CDHR3: variants seen among roughly 807,000 people sequenced by gnomAD.
CDHR3 encodes cadherin-related family member 3.
Under a neutral mutation model 86.6 loss-of-function variants are expected in CDHR3, and 79 were observed. That is an observed-to-expected ratio of 0.91 (90% CI 0.76 to 1.10). CDHR3 has a LOEUF of 1.10. Ranked by LOEUF, CDHR3 falls within the 50% of genes least tolerant of loss-of-function variation. CDHR3 has a pLI of 0.00. For synonymous variants in CDHR3, 421 were observed against 402.4 expected (o/e 1.05, Z -0.55); for missense variants, 1,081 against 1,077.6 (o/e 1.00, Z -0.04).
intron 15 of CDHR3, 113 bp downstream of exon 15, chr7:106,024,675 C>G (rs1837091713): frequency 1.3e-5 from 15 of 1,147,376 alleles, no homozygotes; most frequent in Non-Finnish European, 1.8e-5. Flanking sequence ...GGCAGGTTGC[C>G]TGGAGTGAAG....
chr7:105,996,781 G>A (rs915223190), intron 6 of CDHR3, among the ~76,000 whole-genome samples: 6 of 152,114 alleles, frequency 3.9e-5, no homozygotes, highest in African/African-American at 1.4e-4. Context: ...CTATTTTCAC[G>A]GTGCCTGCCT....
At position 106,014,614 on chromosome 7, in the gene CDHR3, A is replaced by C. The variant is rs958973674; in HGVS notation, c.1225-497A>C. On this transcript the variant is annotated intron_variant, in intron 9 of 18. Transcript: ENST00000317716. ...GCCACTGCACACCAGCCTGGGCAAC[A>C]AAGGGGACCCCTATCTCTAAAAAAC... Among the ~76,000 whole-genome samples the C allele has an allele frequency of 3.3e-5, 5 of 152,316 alleles. No homozygotes were observed. The East Asian group carries it at 9.6e-4, about 29-fold the overall frequency.
chr7:106,015,121 A>T lies in CDHR3; in HGVS notation c.1235A>T (p.Asp412Val), dbSNP rs1272613803. Residue 412 changes from aspartate to valine, a missense_variant, in exon 10 of 19, where the codon GAT (aspartate) becomes GTT (valine). Physicochemically the swap from Asp to Val is radical, Grantham distance 152. Coordinates refer to ENST00000317716, the MANE Select transcript of CDHR3 (RefSeq NM_152750.5). ...AGSGKIVLIG[D>V]LDYENPSNLA... is the part of the protein sequence containing the mutation. ...TCTGTTTTAATCTAGCTGATTGGTG[A>T]TCTAGACTACGAAAATCCAAGTAAC... 6.2e-7 allele frequency: 1 copy of T among 1,606,080 alleles called. No homozygotes were observed. The highest frequency in any genetic ancestry group is 1.7e-5 in the Admixed American group (1 of 59,150).
chr7:106,001,374 A>G lies in CDHR3; in HGVS notation c.714-88A>G. The G allele has an allele frequency of 2.1e-6, 3 of 1,439,210 alleles. No individual in the cohort carries two copies. The South Asian group carries it at 3.6e-5, about 17-fold the overall frequency. 89.2% of individuals were successfully genotyped at this position (1,439,210 alleles called of 1,614,324 possible). On this transcript the variant is annotated intron_variant, in intron 6 of 18. Coordinates refer to ENST00000317716, the MANE Select transcript of CDHR3 (RefSeq NM_152750.5). ...TGCAACTTGAACAGCTCTGCACTAT[A>G]TTTAGCACTAACCAAAATACCAATC...
intron 7 of CDHR3, among the ~76,000 whole-genome samples, chr7:106,003,086 A>G (rs575629881): frequency 1.3e-5 from 2 of 149,672 alleles, no homozygotes; most frequent in East Asian, 3.9e-4. Flanking sequence ...GTGAGCTATG[A>G]TCATTCCACT....
At chr7:106,021,162 C>T (rs533779607) in intron 13 of CDHR3, among the ~76,000 whole-genome samples, 6 of 152,020 alleles carry the variant, frequency 3.9e-5, no homozygotes, top group African/African-American at 4.8e-5. Context: ...AATATACCAT[C>T]GTAGGGAAAA....
chr7:105,977,219 A>G (rs1368032660), intron 2 of CDHR3, among the ~76,000 whole-genome samples: 2 of 152,182 alleles, frequency 1.3e-5, no homozygotes, highest in Non-Finnish European at 2.9e-5. Flanking sequence ...TTTATCTGAG[A>G]TCACATAGCC....
At position 106,020,370 on chromosome 7, in the gene CDHR3, T is replaced by A; in HGVS notation, c.1654-3T>A. 6.2e-7 allele frequency: 1 copy of A among 1,601,650 alleles called. No individual in the cohort carries two copies. The highest frequency in any genetic ancestry group is 8.5e-7 in the Non-Finnish European group (1 of 1,173,364). On this transcript the variant is annotated splice_region_variant and splice_polypyrimidine_tract_variant and intron_variant, in intron 12 of 18. Coordinates refer to ENST00000317716, the MANE Select transcript of CDHR3 (RefSeq NM_152750.5). ...GAGAATGACCACCTTCTTGCTACTC[T>A]AGGTTACTGTGAACATCCTTGAAGA...
Position 106,035,072 on chromosome 7 carries a change from T to G in CDHR3, c.*2375T>G, listed in dbSNP as rs931598067. On this transcript the variant is annotated 3_prime_UTR_variant, in exon 19 of 19. Transcript: ENST00000317716. The stretch of plus-strand genomic sequence containing the variant: ...CCAGCCTGGGTGACAAGGGCAAAAC[T>G]CTGTGTCAAGAAAAAAAAAAAAAAA... 5.2e-4 allele frequency among the ~76,000 whole-genome samples: 69 copies of G among 132,818 alleles called. 2 individuals are homozygous for G. The highest frequency in any genetic ancestry group is 1.5e-4 in the Non-Finnish European group (9 of 61,508). The allele number at this position is 132,818 out of a possible 152,430, so 87.1% of individuals were successfully genotyped here.
intron 14 of CDHR3, among the ~76,000 whole-genome samples, chr7:106,023,833 A>G (rs1177747124): frequency 3.3e-5 from 5 of 152,206 alleles, no homozygotes; most frequent in Admixed American, 2.6e-4. Context: ...GGCTCAGAGC[A>G]TGACCTGATT....
chr7:106,022,570 C>A, intron 14 of CDHR3, 122 bp downstream of exon 14: 2 of 1,395,186 alleles, frequency 1.4e-6, no homozygotes, highest in Non-Finnish European at 1.9e-6. Flanking sequence ...AGGATGTTGC[C>A]AAAAATGGCA....
At chr7:106,022,088 T>C in intron 13 of CDHR3, 110 bp from the exon 14 acceptor site, 2 of 1,311,298 alleles carry the variant, frequency 1.5e-6, no homozygotes, top group Non-Finnish European at 2.1e-6. Flanking sequence ...CAGTCTACAC[T>C]TGAGGTGTGG....
At position 106,034,186 on chromosome 7, in the gene CDHR3, A is replaced by C. The variant is rs1426187696; in HGVS notation, c.*1489A>C. 6.6e-6 allele frequency among the ~76,000 whole-genome samples: 1 copy of C among 152,220 alleles called. No individual in the cohort carries two copies. Among genetic ancestry groups the C allele is most frequent in the East Asian group, 1.9e-4 (1 of 5,196 alleles). ...TGTAGGCATGAGCAATGAACTGGGA[A>C]TAAATGGTATTATGATGGAATAGGA... On this transcript the variant is annotated 3_prime_UTR_variant, in exon 19 of 19. Transcript: ENST00000317716.
chr7:106,001,574 A>C lies in CDHR3; in HGVS notation c.826A>C (p.Ile276Leu). 6.2e-7 allele frequency: 1 copy of C among 1,614,006 alleles called. No individual in the cohort carries two copies. The highest frequency in any genetic ancestry group is 1.1e-5 in the South Asian group (1 of 91,072). The change falls in exon 7 of 19, where the codon ATT becomes CTT. Residue 276 changes from isoleucine to leucine, a missense_variant. By Grantham distance (5) the Ile-to-Leu change is conservative. Coordinates refer to ENST00000317716, the MANE Select transcript of CDHR3 (RefSeq NM_152750.5). ...TTTTCCCAGCCACCTCCTCTACAGC[A>C]TTACCACTGTTAGCAAATATTTCAT... The part of the protein sequence containing the change: ...EGFPSHLLYS[I>L]TTVSKYFMIN...
chr7:105,974,625 G>A (rs1445480078), intron 1 of CDHR3, among the ~76,000 whole-genome samples: 1 of 152,140 alleles, frequency 6.6e-6, no homozygotes, highest in Non-Finnish European at 1.5e-5. Flanking sequence ...AGTGACAGAA[G>A]CAGATTTCTT....
intron 8 of CDHR3, among the ~76,000 whole-genome samples, chr7:106,009,077 A>G (rs1324163376): frequency 6.6e-6 from 1 of 152,184 alleles, no homozygotes; most frequent in Non-Finnish European, 1.5e-5. Flanking sequence ...GCAAGACCAA[A>G]CAGAGTCCTG....
chr7:106,015,239 T>C, intron 10 of CDHR3, 26 bp downstream of exon 10: 1 of 1,563,166 alleles, frequency 6.4e-7, no homozygotes, highest in Non-Finnish European at 8.7e-7. Context: ...TTTTATTTCA[T>C]GATTGTCTTT....
chr7:106,011,005 C>A (rs983816502), intron 8 of CDHR3, among the ~76,000 whole-genome samples: 2 of 152,180 alleles, frequency 1.3e-5, no homozygotes, highest in African/African-American at 4.8e-5. Context: ...CGTGGCCTCA[C>A]CACAAACACA....
intron 7 of CDHR3, among the ~76,000 whole-genome samples, chr7:106,003,734 C>T (rs1833531187): frequency 6.6e-6 from 1 of 152,042 alleles, no homozygotes; most frequent in South Asian, 2.1e-4. Flanking sequence ...CCTGTTGGCT[C>T]CTTAGGCTTT....
Sources: gnomAD v4.1 joint callset for allele counts (sites outside exome capture counted in the v4.1 genomes callset) on GRCh38, gnomAD v4.1.1 for gene constraint, MANE v1.5 for transcripts, NCBI Gene and HGNC (gene_info 2026-07-23, HGNC 2026-07-21) for gene names.